Variants in CERT1 observed in about 807,000 individuals in gnomAD.
CERT1 encodes the protein ceramide transfer protein.
Under a neutral mutation model 87.9 loss-of-function variants are expected in CERT1, and 31 were observed. That is an observed-to-expected ratio of 0.35 (90% CI 0.27 to 0.48). The LOEUF (loss-of-function observed/expected upper bound fraction) is 0.48. CERT1 is among the 20% of genes least tolerant of loss of function. The probability of loss-of-function intolerance (pLI) is 0.99; values close to 1 mark genes in which losing one functional copy is unlikely to be tolerated. For synonymous variants in CERT1, 289 were observed against 250.9 expected (o/e 1.15, Z -1.44); for missense variants, 487 against 758.0 (o/e 0.64, Z 4.20).
intron 3 of CERT1, among the ~76,000 whole-genome samples, chr5:75,448,546 T>C (rs1299742740): frequency 1.3e-5 from 2 of 152,172 alleles, no homozygotes; most frequent in Non-Finnish European, 2.9e-5. Context: ...GATGAAAAAG[T>C]GCAGTTCTGT....
intron 2 of CERT1, among the ~76,000 whole-genome samples, chr5:75,492,434 A>T (rs79567260): frequency 8.9e-4 from 136 of 152,284 alleles, no homozygotes; most frequent in African/African-American, 3.1e-3. Context: ...AAAGTGGTTC[A>T]TTGAAAAGCT....
chr5:75,461,939 C>T (rs1765251806), intron 2 of CERT1, among the ~76,000 whole-genome samples: 1 of 152,080 alleles, frequency 6.6e-6, no homozygotes, highest in Admixed American at 6.5e-5. Flanking sequence ...CACATATGTG[C>T]CCCAAACTTC....
At chr5:75,446,516 G>C (rs1764543773) in intron 3 of CERT1, among the ~76,000 whole-genome samples, 1 of 152,018 alleles carries the variant, frequency 6.6e-6, no homozygotes, top group Non-Finnish European at 1.5e-5. Context: ...AGTTCCTGTT[G>C]ATCTACATTT....
chr5:75,450,228 G>A (rs1485849348), intron 3 of CERT1, among the ~76,000 whole-genome samples: 1 of 152,144 alleles, frequency 6.6e-6, no homozygotes, highest in African/African-American at 2.4e-5. Flanking sequence ...AACTAAACCT[G>A]AAAAACTAGT....
downstream of CERT1, chr5:75,374,382 A>G (rs1397121377): frequency 1.9e-6 from 1 of 537,606 alleles, no homozygotes; most frequent in East Asian, 2.9e-5. Context: ...TTCCATCAGC[A>G]AGGAATCAAA....
intron 2 of CERT1, among the ~76,000 whole-genome samples, chr5:75,480,747 C>T (rs990230691): frequency 3.9e-5 from 6 of 152,196 alleles, no homozygotes; most frequent in African/African-American, 7.2e-5. Flanking sequence ...ACAGTTGCTT[C>T]GACCTGAATA....
intron 7 of CERT1, 151 bp from the exon 8 acceptor site, chr5:75,411,254 C>T: frequency 1.7e-6 from 1 of 573,058 alleles, no homozygotes; most frequent in Admixed American, 3.4e-5. Context: ...TATTATTCTG[C>T]CCAAGAAAAC....
intron 11 of CERT1, among the ~76,000 whole-genome samples, chr5:75,396,054 G>A (rs1376735856): frequency 6.6e-6 from 1 of 151,912 alleles, no homozygotes; most frequent in Admixed American, 6.6e-5. Context: ...CTGTTTTCAG[G>A]GCATCTCTCA....
chr5:75,415,203 T>C (rs866966172), intron 7 of CERT1, among the ~76,000 whole-genome samples: 3 of 152,168 alleles, frequency 2.0e-5, no homozygotes, highest in Admixed American at 6.6e-5. Context: ...TTACATTCCA[T>C]GTAAAATGTA....
intron 2 of CERT1, among the ~76,000 whole-genome samples, chr5:75,485,643 C>T (rs778333769): frequency 2.0e-5 from 3 of 151,706 alleles, no homozygotes; most frequent in Non-Finnish European, 4.4e-5. Flanking sequence ...AGAGAGAAGA[C>T]CCAAATAGAT....
chr5:75,392,938 C>A (rs1363879338), intron 11 of CERT1, among the ~76,000 whole-genome samples: 4 of 125,330 alleles, frequency 3.2e-5, no homozygotes, highest in Admixed American at 9.6e-5. Flanking sequence ...CCATTGCACT[C>A]CAGCCTGGAT....
rs1761604645 is a variant in CERT1 at position 75,381,958 on chromosome 5, G to A, written c.1608C>T (p.Asp536=). The A allele has an allele frequency of 1.2e-6, 2 of 1,612,730 alleles. No homozygotes were observed. The highest frequency in any genetic ancestry group is 2.7e-5 in the African/African-American group (2 of 75,050). ...WIVCNFSVDH[D]SAPLNNRCVR... is the part of the protein sequence containing the mutation. Reference sequence around the variant, plus strand: ...ATATACATGTACTTACAGGAGCACTGTCATGATCCACAGAAAAATTACAAA... The same window carrying A: ...ATATACATGTACTTACAGGAGCACTATCATGATCCACAGAAAAATTACAAA... The change falls in exon 15 of 17, where the codon GAC becomes GAT. Residue 536 remains aspartate, a synonymous_variant. Coordinates refer to ENST00000643780, the MANE Select transcript of CERT1 (RefSeq NM_001379029.1).
chr5:75,450,343 T>C (rs1764723152), intron 3 of CERT1, among the ~76,000 whole-genome samples: 1 of 152,048 alleles, frequency 6.6e-6, no homozygotes, highest in Non-Finnish European at 1.5e-5. Context: ...AAAACAGAGA[T>C]TCTAAGACTA....
chr5:75,485,738 G>A (rs530396368), intron 2 of CERT1, among the ~76,000 whole-genome samples: 1 of 152,162 alleles, frequency 6.6e-6, no homozygotes, highest in East Asian at 1.9e-4. Context: ...GCAACTATAT[G>A]CCAAGAATTG....
At chr5:75,393,709 T>A (rs1762126981) in intron 11 of CERT1, among the ~76,000 whole-genome samples, 1 of 150,864 alleles carries the variant, frequency 6.6e-6, no homozygotes, top group Non-Finnish European at 1.5e-5. Context: ...CTCATGCCTG[T>A]AATCACAGCA....
chr5:75,402,867 T>C, intron 9 of CERT1, 105 bp downstream of exon 9: 1 of 663,074 alleles, frequency 1.5e-6, no homozygotes, highest in South Asian at 2.0e-5. Context: ...TCTAGGTTAT[T>C]AAGTTCACAA....
At chr5:75,430,737 A>C (rs1262456056) in intron 3 of CERT1, among the ~76,000 whole-genome samples, 1 of 146,348 alleles carries the variant, frequency 6.8e-6, no homozygotes, top group Non-Finnish European at 1.5e-5. Context: ...ATCAGTTCAC[A>C]AAAAAAAAAA....
intron 9 of CERT1, 142 bp downstream of exon 9, chr5:75,402,830 G>C: frequency 2.1e-6 from 1 of 482,234 alleles, no homozygotes; most frequent in Non-Finnish European, 3.8e-6. Context: ...TTTTACATTT[G>C]TGACTCAATG....
intron 10 of CERT1, 135 bp downstream of exon 10, chr5:75,400,070 T>C (rs774646692): frequency 1.6e-5 from 10 of 627,886 alleles, no homozygotes; most frequent in Non-Finnish European, 2.8e-5. Flanking sequence ...AGGTGGAGAC[T>C]GTAGTGAGCC....
Sources: gnomAD v4.1 joint callset for allele counts (sites outside exome capture counted in the v4.1 genomes callset) on GRCh38, gnomAD v4.1.1 for gene constraint, MANE v1.5 for transcripts, NCBI Gene and HGNC (gene_info 2026-07-23, HGNC 2026-07-21) for gene names.